Variants in GNL3 observed in about 807,000 individuals in gnomAD.
The protein encoded by GNL3 is G protein nucleolar 3.
GNL3 carries 77 observed loss-of-function variants against 70.6 expected under a neutral mutation model. The observed-to-expected ratio is 1.09, with a 90% CI of 0.91 to 1.32. The LOEUF (loss-of-function observed/expected upper bound fraction) is 1.32, where lower values mean the gene tolerates loss of function less well. Among genes scored for constraint, GNL3 ranks in the 40% most tolerant of loss-of-function variants. GNL3 has a pLI of 0.00. For synonymous variants in GNL3, 252 were observed against 216.1 expected (o/e 1.17, Z -1.46); for missense variants, 634 against 644.0 (o/e 0.98, Z 0.17).
At chr3:52,687,442 T>A in intron 3 of GNL3, 59 bp downstream of exon 3, 1 of 1,601,894 alleles carries the variant, frequency 6.2e-7, no homozygotes, top group South Asian at 1.1e-5. Flanking sequence ...TGTGATATTT[T>A]TCAGAGTAAG....
chr3:52,686,420 G>T, intron 1 of GNL3: 1 of 576,278 alleles, frequency 1.7e-6, no homozygotes, highest in Non-Finnish European at 3.1e-6. Flanking sequence ...GTGCAGACTG[G>T]CCCAGGTGAG....
intron 5 of GNL3, among the ~76,000 whole-genome samples, chr3:52,688,689 T>C (rs2154099486): frequency 6.6e-6 from 1 of 152,290 alleles, no homozygotes; most frequent in South Asian, 2.1e-4. Flanking sequence ...TCTCCAGCAC[T>C]CCCATCCCCA....
At chr3:52,690,470 AGCCAGGATGG>A in intron 6 of GNL3, 112 bp from the exon 7 acceptor site, 1 of 630,020 alleles carries the variant, frequency 1.6e-6, no homozygotes, top group South Asian at 1.7e-5. Flanking sequence ...TTATCGTGTT[AGCCAGGATGG>A]TCTTGATCTC....
At chr3:52,692,606 C>T (rs544315684) in intron 9 of GNL3, 132 of 480,302 alleles carry the variant, frequency 2.7e-4, no homozygotes, top group Middle Eastern at 4.2e-4. Context: ...CGTGAGCCAC[C>T]GCGCCCAGCC....
Position 52,693,202 on chromosome 3 carries a change from A to G in GNL3, c.1060A>G (p.Thr354Ala), listed in dbSNP as rs751234216. 13 of 1,611,420 alleles carry G rather than the reference A, an allele frequency of 8.1e-6. No individual in the cohort carries two copies. The highest frequency in any genetic ancestry group is 1.1e-5 in the Non-Finnish European group (13 of 1,179,174). ...ADARQVVLKY[T>A]VPGYRNSLEF... ...TTTTTTTAAGGTAGTACTGAAATAT[A>G]CTGTCCCAGGCTACAGGAATTCTCT... is the stretch of plus-strand genomic sequence containing the variant. The change falls in exon 11 of 15, where the codon ACT becomes GCT. Residue 354 changes from threonine to alanine, a missense_variant. Transcript: ENST00000418458.
intron 4 of GNL3, 183 bp downstream of exon 4, chr3:52,687,798 A>G (rs1352750274): frequency 1.0e-5 from 6 of 597,382 alleles, no homozygotes; most frequent in Non-Finnish European, 1.2e-5. Context: ...CGCCTGGCTA[A>G]TTTTTTTTAG....
chr3:52,693,706 A>C lies in GNL3; in HGVS notation c.1399A>C (p.Lys467Gln). 6.2e-7 allele frequency: 1 copy of C among 1,614,098 alleles called. No individual in the cohort carries two copies. The highest frequency in any genetic ancestry group is 1.1e-5 in the South Asian group (1 of 91,092). Residue 467 changes from lysine (K) to glutamine (Q), a missense_variant, in exon 13 of 15, where the codon AAG becomes CAG. Transcript: ENST00000418458. Reference protein sequence around the residue: ...SGLTNGIIEEKDIHEELPKRK... With the variant: ...SGLTNGIIEEQDIHEELPKRK... ...TCTGACAAATGGAATAATAGAAGAAAAGGACATACATGAAGAATTGCCAAA... is the reference window on the plus strand; with the variant it reads ...TCTGACAAATGGAATAATAGAAGAACAGGACATACATGAAGAATTGCCAAA...
chr3:52,686,650 G>A (rs1208044431), intron 1 of GNL3, 119 bp from the exon 2 acceptor site: 2 of 719,554 alleles, frequency 2.8e-6, no homozygotes, highest in Non-Finnish European at 4.8e-6. Flanking sequence ...TAGGCATTTC[G>A]CATTAGACTT....
rs1292853207 is a variant in GNL3 at position 52,690,677 on chromosome 3, A to G, written c.627A>G (p.Lys209=). ...LPTVVFRAST[K]PKDKGKITKR... is the part of the protein sequence containing the mutation. ...CAGTGGTGTTCAGAGCCTCAACAAA[A>G]CCAAAGGATAAAGGGAAGATAACCA... Residue 209 remains lysine, a synonymous_variant, in exon 7 of 15, where the codon AAA becomes AAG. Coordinates refer to ENST00000418458, the MANE Select transcript of GNL3 (RefSeq NM_014366.5). 6.3e-7 allele frequency: 1 copy of G among 1,597,846 alleles called. No individual in the cohort carries two copies. Among genetic ancestry groups the G allele is most frequent in the African/African-American group, 1.3e-5 (1 of 74,738 alleles).
Position 52,692,981 on chromosome 3 carries a change from A to C in GNL3, c.979A>C (p.Ser327Arg). The C allele has an allele frequency of 1.2e-6, 2 of 1,614,150 alleles. No individual in the cohort carries two copies. The highest frequency in any genetic ancestry group is 1.7e-6 in the Non-Finnish European group (2 of 1,180,004). ...SSALALRSPA[S>R]IEVVKPMEAA... is the part of the protein sequence containing the mutation. ...TGCGCTTGCTCTGCGAAGTCCAGCAAGTATTGAAGTAGTAAAACCGATGGA... is the reference window on the plus strand; with the variant it reads ...TGCGCTTGCTCTGCGAAGTCCAGCACGTATTGAAGTAGTAAAACCGATGGA... Residue 327 changes from serine (S) to arginine (R), a missense_variant, in exon 10 of 15, where the codon AGT becomes CGT. Ser to Arg is a moderately radical substitution (Grantham distance 110). Transcript: ENST00000418458.
At chr3:52,688,965 A>T in intron 5 of GNL3, 109 bp from the exon 6 acceptor site, 2 of 861,252 alleles carry the variant, frequency 2.3e-6, no homozygotes, top group Non-Finnish European at 3.8e-6. Context: ...CCCTGTTGCT[A>T]AATGGATAAT....
chr3:52,693,951 G>A, intron 13 of GNL3, 86 bp from the exon 14 acceptor site: 1 of 1,324,618 alleles, frequency 7.5e-7, no homozygotes, highest in South Asian at 1.2e-5. Context: ...TACCTCCAAA[G>A]AGTTAATTTT....
chr3:52,694,079 G>A lies in GNL3; in HGVS notation c.1543G>A (p.Ala515Thr), dbSNP rs1009927995. The A allele has an allele frequency of 1.9e-6, 3 of 1,612,928 alleles. No individual in the cohort carries two copies. The African/African-American group carries it at 4.0e-5, about 22-fold the overall frequency. Residue 515 changes from alanine to threonine, a missense_variant, in exon 14 of 15, where the codon GCA becomes ACA. Coordinates refer to ENST00000418458, the MANE Select transcript of GNL3 (RefSeq NM_014366.5). ...GTTTGCTGCAGAAGAGACAGGGGAG[G>A]CACTGTCTGAGGAGACTACAGCAGG... The part of the protein sequence containing the change: ...GMFAAEETGE[A>T]LSEETTAGEQ...
At chr3:52,691,168 G>C in intron 8 of GNL3, 97 bp downstream of exon 8, 1 of 1,073,928 alleles carries the variant, frequency 9.3e-7, no homozygotes, top group African/African-American at 1.6e-5. Context: ...GTATGGAGTT[G>C]TTGTCAAGTA....
chr3:52,686,286 T>A, intron 1 of GNL3, 181 bp downstream of exon 1: 1 of 654,572 alleles, frequency 1.5e-6, no homozygotes, highest in Non-Finnish European at 2.6e-6. Context: ...GCGATCATGT[T>A]AACCGCGCGG....
At position 52,689,163 on chromosome 3, in the gene GNL3, C is replaced by G. The variant is rs2097324957; in HGVS notation, c.498C>G (p.Val166=). Residue 166 remains valine, a synonymous_variant, in exon 6 of 15, where the codon GTC becomes GTG. Coordinates refer to ENST00000418458, the MANE Select transcript of GNL3 (RefSeq NM_014366.5). ...GTCCTCAGGTAGAAGAGGCCATTGT[C>G]CAGAGTGGACAGAAAAAGCTGGTAC... ...CRCPQVEEAI[V]QSGQKKLVLI... is the part of the protein sequence containing the mutation. 1.2e-6 allele frequency: 2 copies of G among 1,613,004 alleles called. No individual in the cohort carries two copies. The highest frequency in any genetic ancestry group is 1.7e-5 in the Admixed American group (1 of 60,014).
Position 52,689,058 on chromosome 3 carries a change from AT to A in GNL3, c.409-10del. 1 of 1,609,832 alleles carries A rather than the reference AT, an allele frequency of 6.2e-7. No individual in the cohort carries two copies. Among genetic ancestry groups the A allele is most frequent in the Non-Finnish European group, 8.5e-7 (1 of 1,176,220 alleles). ...TCTCCTTGATAATGTAGTTCTGGTC[AT>A]TTTTTCCTTGATAGGTGATTGAAGC... On this transcript the variant is annotated splice_polypyrimidine_tract_variant and intron_variant, in intron 5 of 14. Coordinates refer to ENST00000418458, the MANE Select transcript of GNL3 (RefSeq NM_014366.5).
chr3:52,691,515 A>T lies in GNL3; in HGVS notation c.782-27A>T, dbSNP rs1196446419. The T allele has an allele frequency of 4.6e-6, 6 of 1,302,762 alleles. No individual in the cohort carries two copies. In the African/African-American group the frequency reaches 7.3e-5, roughly 16 times the overall value. The allele number at this position is 1,302,762 out of a possible 1,614,324, so 80.7% of individuals were successfully genotyped here. On this transcript the variant is annotated intron_variant, in intron 8 of 14. Coordinates refer to ENST00000418458, the MANE Select transcript of GNL3 (RefSeq NM_014366.5). The stretch of plus-strand genomic sequence containing the variant: ...TAAGTGCCAACATATAATGCTTTTT[A>T]TATCTGGATTTCCCATTTATTTGTA...
intron 9 of GNL3, 69 bp from the exon 10 acceptor site, chr3:52,692,803 G>C: frequency 8.2e-7 from 1 of 1,219,938 alleles, no homozygotes; most frequent in Non-Finnish European, 1.2e-6. Flanking sequence ...CCAACCCTGA[G>C]CTTCATGTTC....
Sources: allele counts gnomAD v4.1 joint callset (sites outside exome capture counted in the v4.1 genomes callset), GRCh38; gene constraint gnomAD v4.1.1; transcripts MANE v1.5; gene names NCBI Gene and HGNC (gene_info 2026-07-23, HGNC 2026-07-21).